The following HAO1 variants were observed in gnomAD, a reference collection of about 807,000 sequenced individuals.
HAO1 encodes the protein 2-Hydroxyacid oxidase 1.
A neutral mutation model predicts 39.7 loss-of-function variants in HAO1; 34 were observed. The ratio of observed to expected loss-of-function variants is 0.86; its 90% CI spans 0.65 to 1.14. The LOEUF (loss-of-function observed/expected upper bound fraction) is 1.14, where lower values mean the gene tolerates loss of function less well. Among genes scored for constraint, HAO1 ranks in the 50% most tolerant of loss-of-function variants. HAO1 has a pLI of 0.00. For synonymous variants in HAO1, 172 were observed against 173.2 expected (o/e 0.99, Z 0.05); for missense variants, 479 against 464.5 (o/e 1.03, Z -0.29).
chr20:7,890,941 CATTG>C (rs1475281821), intron 5 of HAO1, among the ~76,000 whole-genome samples: 1 of 152,164 alleles, frequency 6.6e-6, no homozygotes, highest in Non-Finnish European at 1.5e-5. Context: ...TTTGTCCACT[CATTG>C]ATTGATGGGC....
intron 5 of HAO1, 45 bp from the exon 6 acceptor site, chr20:7,885,909 T>C (rs1266360753): frequency 6.5e-7 from 1 of 1,532,624 alleles, no homozygotes; most frequent in African/African-American, 1.4e-5. Context: ...TAACACTGAA[T>C]TGTTATTCAA....
chr20:7,886,921 C>G (rs2294307), intron 5 of HAO1, among the ~76,000 whole-genome samples: 1 of 152,202 alleles, frequency 6.6e-6, no homozygotes, highest in African/African-American at 2.4e-5. Flanking sequence ...GGTATTGTTT[C>G]CCCCTCATCT....
Position 7,895,140 on chromosome 20 carries a change from G to A in HAO1, c.806C>T (p.Pro269Leu). 3.1e-6 allele frequency: 5 copies of A among 1,604,816 alleles called. No individual in the cohort carries two copies. Among genetic ancestry groups the A allele is most frequent in the Non-Finnish European group, 4.3e-6 (5 of 1,171,662 alleles). The change falls in exon 5 of 8, where the codon CCA (proline) becomes CTA (leucine). Residue 269 changes from proline (P) to leucine (L), a missense_variant. Pro to Leu is a moderately conservative substitution (Grantham distance 98). Transcript: ENST00000378789. ...GCGTCTGCCAAAACTCACAGTGGCT[G>A]GCACCCCATCGAGTTGTCGAGCCCC... ...NHGARQLDGV[P>L]ATIDVLPEIV...
rs574555751 is a variant in HAO1 at position 7,883,576 on chromosome 20, G to T, written c.*17C>A. 2.5e-6 allele frequency: 4 copies of T among 1,592,244 alleles called. No homozygotes were observed. In the African/African-American group the frequency reaches 5.4e-5, roughly 21 times the overall value. On this transcript the variant is annotated 3_prime_UTR_variant, in exon 8 of 8. Coordinates refer to ENST00000378789, the MANE Select transcript of HAO1 (RefSeq NM_017545.3). Reference sequence around the variant, plus strand: ...TGCTGAAAAAAAATAATACAGATGGGAAAATATTGTGCACTGTCAGATCTT... The same window carrying T: ...TGCTGAAAAAAAATAATACAGATGGTAAAATATTGTGCACTGTCAGATCTT...
chr20:7,885,418 A>T (rs2050146031), intron 7 of HAO1, 103 bp downstream of exon 7: 1 of 773,650 alleles, frequency 1.3e-6, no homozygotes, highest in Non-Finnish European at 2.3e-6. Context: ...AATGTACTCA[A>T]ATGATCCCAC....
At chr20:7,923,677 T>C (rs1216474268) in intron 2 of HAO1, among the ~76,000 whole-genome samples, 1 of 152,118 alleles carries the variant, frequency 6.6e-6, no homozygotes, top group Non-Finnish European at 1.5e-5. Flanking sequence ...GGAACTTTCA[T>C]CCCAGGCTCT....
chr20:7,886,734 T>C (rs1310494457), intron 5 of HAO1, among the ~76,000 whole-genome samples: 2 of 152,234 alleles, frequency 1.3e-5, no homozygotes, highest in Admixed American at 1.3e-4. Context: ...TTGGTGATGA[T>C]GGACATAGGT....
intron 5 of HAO1, among the ~76,000 whole-genome samples, chr20:7,891,566 T>A (rs2050174328): frequency 6.6e-6 from 1 of 152,220 alleles, no homozygotes; most frequent in Non-Finnish European, 1.5e-5. Flanking sequence ...GCTATTTCTC[T>A]TTGTTTCTAT....
Position 7,895,346 on chromosome 20 carries a change from CTT to C in HAO1, c.722-124_722-123del, listed in dbSNP as rs2050192079. The C allele has an allele frequency of 1.7e-5, 11 of 663,164 alleles. No homozygotes were observed. The South Asian group carries it at 1.9e-4, about 11-fold the overall frequency. 41.1% of individuals were successfully genotyped at this position (663,164 alleles called of 1,614,324 possible). ...CCATCTGCATACCTGGGTCAATAAT[CTT>C]AGCATAAAAGTATACCCTAGGGTTA... On this transcript the variant is annotated intron_variant, in intron 4 of 7. Coordinates refer to ENST00000378789, the MANE Select transcript of HAO1 (RefSeq NM_017545.3).
chr20:7,910,908 C>T (rs2050276466), intron 3 of HAO1, among the ~76,000 whole-genome samples: 1 of 152,296 alleles, frequency 6.6e-6, no homozygotes, highest in South Asian at 2.1e-4. Context: ...TTATCTTGCT[C>T]ATATTTGCAT....
At chr20:7,911,006 G>A (rs1600112980) in intron 3 of HAO1, among the ~76,000 whole-genome samples, 1 of 152,274 alleles carries the variant, frequency 6.6e-6, no homozygotes, top group East Asian at 1.9e-4. Context: ...GAGGCTATTA[G>A]TCATGCGTTG....
chr20:7,886,522 G>C (rs529136688), intron 5 of HAO1, among the ~76,000 whole-genome samples: 1 of 152,226 alleles, frequency 6.6e-6, no homozygotes, highest in South Asian at 2.1e-4. Context: ...CAAGTCAATT[G>C]TTAAAATTCA....
intron 1 of HAO1, among the ~76,000 whole-genome samples, chr20:7,935,241 G>T (rs1382984030): frequency 6.6e-6 from 1 of 152,090 alleles, no homozygotes; most frequent in Non-Finnish European, 1.5e-5. Context: ...ACTATCATTT[G>T]TCCAGTCATT....
chr20:7,938,647 G>A (rs192123056), intron 1 of HAO1, among the ~76,000 whole-genome samples: 7 of 152,116 alleles, frequency 4.6e-5, no homozygotes, highest in Admixed American at 3.9e-4. Flanking sequence ...GCTTTGGGGC[G>A]CCCCTTTGCA....
At chr20:7,929,491 T>C (rs977523322) in intron 2 of HAO1, among the ~76,000 whole-genome samples, 1 of 152,206 alleles carries the variant, frequency 6.6e-6, no homozygotes, top group Non-Finnish European at 1.5e-5. Flanking sequence ...TTTTATTTGA[T>C]AACCTTGTAT....
At chr20:7,935,177 G>A (rs1301129763) in intron 1 of HAO1, among the ~76,000 whole-genome samples, 1 of 152,110 alleles carries the variant, frequency 6.6e-6, no homozygotes, top group Non-Finnish European at 1.5e-5. Context: ...GTTGTTGTAC[G>A]TGTCAATAGT....
chr20:7,940,162 C>T, intron 1 of HAO1, 124 bp downstream of exon 1: 2 of 701,180 alleles, frequency 2.9e-6, no homozygotes, highest in South Asian at 6.1e-5. Context: ...AGAACTTTTC[C>T]CTCTCTACTA....
chr20:7,937,676 CGTGAAGACCATA>C lies in HAO1; in HGVS notation c.137+2598_137+2609del, dbSNP rs962431088. On this transcript the variant is annotated intron_variant, in intron 1 of 7. Coordinates refer to ENST00000378789, the MANE Select transcript of HAO1 (RefSeq NM_017545.3). ...ATTTCAGAAAAAAAAGCTACAACAA[CGTGAAGACCATA>C]GTTGAGAAGGCTACTTTGAATAAAT... is the stretch of plus-strand genomic sequence containing the variant. Among the ~76,000 whole-genome samples the C allele has an allele frequency of 1.3e-5, 2 of 152,074 alleles. 1 individual carries two copies. The highest frequency in any genetic ancestry group is 6.3e-3 in the Middle Eastern group (2 of 316).
intron 7 of HAO1, among the ~76,000 whole-genome samples, chr20:7,884,765 C>T (rs79023711): frequency 0.03 from 4,495 of 152,210 alleles, 223 homozygotes; most frequent in African/African-American, 0.099. Flanking sequence ...TATAAAGACT[C>T]TGGCATTTAC....
Sources: gnomAD v4.1 joint callset for allele counts (sites outside exome capture counted in the v4.1 genomes callset) on GRCh38, gnomAD v4.1.1 for gene constraint, MANE v1.5 for transcripts, NCBI Gene and HGNC (gene_info 2026-07-23, HGNC 2026-07-21) for gene names.